The following HNF4G variants were observed in gnomAD, a reference collection of about 807,000 sequenced individuals.
The protein encoded by HNF4G is hepatocyte nuclear factor 4 gamma.
In HNF4G, 21 loss-of-function variants were observed where a neutral mutation model predicts 50.9. That is an observed-to-expected ratio of 0.41 (90% confidence interval 0.29 to 0.59). HNF4G has a LOEUF of 0.59. HNF4G is among the 20% of genes least tolerant of loss of function. HNF4G has a pLI of 0.26. For synonymous variants in HNF4G, 198 were observed against 185.6 expected, an observed-to-expected ratio of 1.07 and a Z score of -0.54; for missense variants, 527 against 559.4, an observed-to-expected ratio of 0.94 and a Z score of 0.58.
At chr8:75,460,719 T>G (rs950597875) in intron 1 of HNF4G, among the ~76,000 whole-genome samples, 1 of 152,182 alleles carries the variant, frequency 6.6e-6, no homozygotes, top group African/African-American at 2.4e-5. Context: ...GTCAAGGATA[T>G]TGCCTCTTCC....
intron 2 of HNF4G, among the ~76,000 whole-genome samples, chr8:75,509,441 A>T (rs1217301410): frequency 6.6e-6 from 1 of 152,224 alleles, no homozygotes; most frequent in Non-Finnish European, 1.5e-5. Context: ...GGGTGTGAGA[A>T]GCCGGAACAT....
chr8:75,558,885 G>T lies in HNF4G; in HGVS notation c.971G>T (p.Arg324Leu). 1 of 1,613,888 alleles carries T rather than the reference G, an allele frequency of 6.2e-7. No individual in the cohort carries two copies. Among genetic ancestry groups the T allele is most frequent in the Non-Finnish European group, 8.5e-7 (1 of 1,179,882 alleles). ...QIGLEDYIND[R>L]QYDSRGRFGE... ...GGTTTGGAGGACTACATCAATGATCGGCAGTATGACTCCCGGGGGAGGTTT... is the reference window on the plus strand; with the variant it reads ...GGTTTGGAGGACTACATCAATGATCTGCAGTATGACTCCCGGGGGAGGTTT... Residue 324 changes from arginine (R) to leucine (L), a missense_variant, in exon 8 of 10, where the codon CGG (arginine) becomes CTG (leucine). By Grantham distance (102) the Arg-to-Leu change is moderately radical (BLOSUM62 -2). Coordinates refer to ENST00000396423, the MANE Select transcript of HNF4G (RefSeq NM_004133.5).
chr8:75,443,640 C>A (rs830786), intron 1 of HNF4G, among the ~76,000 whole-genome samples: 4 of 152,094 alleles, frequency 2.6e-5, no homozygotes, highest in Admixed American at 2.0e-4. Flanking sequence ...GGATTACAGG[C>A]ATGTGCTCTG....
intron 9 of HNF4G, among the ~76,000 whole-genome samples, chr8:75,560,865 A>G (rs531127776): frequency 6.6e-6 from 1 of 152,308 alleles, no homozygotes; most frequent in Admixed American, 6.5e-5. Context: ...GAACTCTCTT[A>G]ATGTTTATGG....
At chr8:75,485,539 A>G (rs532417543) in intron 1 of HNF4G, among the ~76,000 whole-genome samples, 11 of 152,286 alleles carry the variant, frequency 7.2e-5, no homozygotes, top group African/African-American at 2.4e-4. Context: ...CTGATTGAAT[A>G]TATTTCTTTC....
At chr8:75,560,659 T>C (rs1263401770) in intron 9 of HNF4G, among the ~76,000 whole-genome samples, 193 bp downstream of exon 9, 1 of 152,074 alleles carries the variant, frequency 6.6e-6, no homozygotes, top group Non-Finnish European at 1.5e-5. Flanking sequence ...CTTCCTAAAA[T>C]GAAAATGAAA....
At chr8:75,518,932 C>T (rs1193651045) in intron 2 of HNF4G, among the ~76,000 whole-genome samples, 1 of 152,142 alleles carries the variant, frequency 6.6e-6, no homozygotes. Context: ...GTTGCATCTT[C>T]GTACTGAAAA....
chr8:75,413,794 T>C (rs1810562694), intron 1 of HNF4G, among the ~76,000 whole-genome samples: 1 of 151,958 alleles, frequency 6.6e-6, no homozygotes, highest in Admixed American at 6.6e-5. Flanking sequence ...GAGGCTGAGA[T>C]TGCAGTGAGC....
chr8:75,541,327 T>C (rs550642576), intron 1 of HNF4G, among the ~76,000 whole-genome samples: 133 of 152,100 alleles, frequency 8.7e-4, no homozygotes, highest in Non-Finnish European at 1.7e-3. Context: ...AATATGTAAG[T>C]ATGGCACTAA....
At chr8:75,514,362 T>C (rs551935397) in intron 2 of HNF4G, among the ~76,000 whole-genome samples, 95 of 146,876 alleles carry the variant, frequency 6.5e-4, no homozygotes, top group Non-Finnish European at 1.2e-3. Context: ...TTCTTTTTTT[T>C]TTTCTTTCTT....
rs1807461814 is a variant in HNF4G, at chr8:75,566,351, G to A, written c.*2255G>A. The A allele has an allele frequency of 6.6e-6, 1 of 152,134 alleles. No individual in the cohort carries two copies. Among genetic ancestry groups the A allele is most frequent in the African/African-American group, 2.4e-5 (1 of 41,398 alleles). The allele number at this position is 152,134 out of a possible 1,614,324, so 9.4% of individuals were successfully genotyped here. A position where few individuals can be genotyped will look rare whatever the true frequency, so the allele number is the denominator to read the frequency against. On this transcript the variant is annotated 3_prime_UTR_variant, in exon 10 of 10. Transcript: ENST00000396423. The stretch of plus-strand genomic sequence containing the variant: ...ACTAGGTGTCAGCATGTGAATTTTG[G>A]AAAACACAAAAATTCAGAACATAGC...
chr8:75,550,241 A>G (rs1018303400), intron 3 of HNF4G, among the ~76,000 whole-genome samples: 2 of 152,176 alleles, frequency 1.3e-5, no homozygotes, highest in African/African-American at 2.4e-5. Flanking sequence ...TCTTTGGTTA[A>G]TGAAAGATAA....
chr8:75,452,266 G>C (rs1393628698), intron 1 of HNF4G, among the ~76,000 whole-genome samples: 1 of 151,980 alleles, frequency 6.6e-6, no homozygotes, highest in African/African-American at 2.4e-5. Flanking sequence ...ATTTCTAGTG[G>C]TTACAGTAGT....
At position 75,431,301 on chromosome 8, in the gene HNF4G, A is replaced by G. The variant is rs2130518744; in HGVS notation, c.-144+23139A>G. The stretch of plus-strand genomic sequence containing the variant: ...AAACATGAGTGAGATGTTTAAAGTG[A>G]TAATAGTTGAGTTACTTTTAGGATT... On this transcript the variant is annotated intron_variant, in intron 1 of 10. Transcript: ENST00000354370. Among the ~76,000 whole-genome samples the G allele has an allele frequency of 3.3e-5, 5 of 152,314 alleles. No individual in the cohort carries two copies. The Middle Eastern group carries it at 0.014, about 414-fold the overall frequency.
intron 1 of HNF4G, chr8:75,408,245 AGAGAGAGAGAGAGAGAG>A (rs1388644991): frequency 2.0e-5 from 3 of 149,846 alleles, no homozygotes; most frequent in Non-Finnish European, 4.5e-5. Flanking sequence ...AGAGAAGGAG[AGAGAGAGAGAGAGAGAG>A]GAGAGAGAGA....
intron 2 of HNF4G, among the ~76,000 whole-genome samples, chr8:75,510,891 A>G (rs1805733232): frequency 6.6e-6 from 1 of 152,070 alleles, no homozygotes; most frequent in Non-Finnish European, 1.5e-5. Context: ...AAAATTTAAC[A>G]CGGTATTTCT....
At chr8:75,492,409 G>C (rs1812652069) in intron 2 of HNF4G, among the ~76,000 whole-genome samples, 1 of 152,140 alleles carries the variant, frequency 6.6e-6, no homozygotes, top group Non-Finnish European at 1.5e-5. Flanking sequence ...AAGATTAAAG[G>C]AGAAGCCAAA....
intron 1 of HNF4G, among the ~76,000 whole-genome samples, chr8:75,410,277 A>G (rs1262969988): frequency 2.0e-5 from 3 of 152,178 alleles, no homozygotes; most frequent in African/African-American, 7.2e-5. Context: ...GAGCCTTTCT[A>G]AACACCCACA....
chr8:75,423,335 C>CTTT (rs34511777), intron 1 of HNF4G, among the ~76,000 whole-genome samples: 2,878 of 94,544 alleles, frequency 0.03, 175 homozygotes, highest in African/African-American at 0.071. Context: ...TTTTCTTTAT[C>CTTT]TTTTTTTTTT....
Sources: allele counts gnomAD v4.1 joint callset (sites outside exome capture counted in the v4.1 genomes callset), GRCh38; gene constraint gnomAD v4.1.1; transcripts MANE v1.5; gene names NCBI Gene and HGNC (gene_info 2026-07-23, HGNC 2026-07-21).